AFF1: variants seen among roughly 807,000 people sequenced by gnomAD.
AFF1 encodes AF4/FMR2 family member 1.
Under a neutral mutation model 121.7 loss-of-function variants are expected in AFF1, and 48 were observed. The ratio of observed to expected loss-of-function variants is 0.39; its 90% CI spans 0.31 to 0.50. AFF1 has a LOEUF of 0.50. AFF1 is among the 20% of genes least tolerant of loss of function. AFF1 has a pLI of 0.76. For missense variants in AFF1, 1,523 were observed against 1,511.7 expected, an observed-to-expected ratio of 1.01 and a Z score of -0.12; for synonymous variants, 613 against 563.0, an observed-to-expected ratio of 1.09 and a Z score of -1.26.
At chr4:87,121,177 G>C (rs778395652) in intron 12 of AFF1, among the ~76,000 whole-genome samples, 11 of 152,162 alleles carry the variant, frequency 7.2e-5, no homozygotes, top group Non-Finnish European at 1.2e-4. Context: ...CTGAAACCCA[G>C]ACCTTAAGCC....
At chr4:87,070,085 C>A (rs1578188786) in intron 4 of AFF1, among the ~76,000 whole-genome samples, 1 of 152,056 alleles carries the variant, frequency 6.6e-6, no homozygotes, top group Non-Finnish European at 1.5e-5. Context: ...CTCACTGCAA[C>A]CCCTGCCTCC....
intron 2 of AFF1, among the ~76,000 whole-genome samples, chr4:86,999,679 G>A (rs75939177): frequency 0.042 from 6,379 of 152,246 alleles, 432 homozygotes; most frequent in African/African-American, 0.15. Flanking sequence ...GACAAGTAAG[G>A]TTTGTTAGAA....
intron 2 of AFF1, among the ~76,000 whole-genome samples, chr4:87,023,626 T>C (rs1040024993): frequency 6.6e-6 from 1 of 152,212 alleles, no homozygotes; most frequent in African/African-American, 2.4e-5. Flanking sequence ...CTTCCAAAAA[T>C]GTGTTTGGGA....
chr4:87,019,968 T>A (rs890510341), intron 2 of AFF1, among the ~76,000 whole-genome samples: 1 of 150,906 alleles, frequency 6.6e-6, no homozygotes, highest in African/African-American at 2.4e-5. Flanking sequence ...AGTAGGAAAA[T>A]CTCCTCCTCC....
At chr4:86,936,069 C>T (rs1270462401) in intron 1 of AFF1, 1 of 152,142 alleles carries the variant, frequency 6.6e-6, no homozygotes, top group Non-Finnish European at 1.5e-5. Context: ...TTTCTCTTCC[C>T]GGAGCTTCTC....
Position 86,969,861 on chromosome 4 carries a change from A to C in AFF1, c.38+21290A>C, listed in dbSNP as rs1355761029. ...CACCACTGCACTCTGGCCTGGGCGG[A>C]AGAGCGAGACTCCGTCTCAAAAAAA... On this transcript the variant is annotated intron_variant, in intron 2 of 20. Transcript: ENST00000395146. 5.6e-5 allele frequency among the ~76,000 whole-genome samples: 7 copies of C among 124,282 alleles called. No homozygotes were observed. In the South Asian group the frequency reaches 1.6e-3, roughly 29 times the overall value. 81.5% of individuals were successfully genotyped at this position (124,282 alleles called of 152,430 possible).
intron 7 of AFF1, among the ~76,000 whole-genome samples, chr4:87,092,368 C>G (rs1724403606): frequency 6.6e-6 from 1 of 152,202 alleles, no homozygotes; most frequent in Non-Finnish European, 1.5e-5. Flanking sequence ...TGTGGTATTA[C>G]TGACACATAG....
intron 4 of AFF1, among the ~76,000 whole-genome samples, chr4:87,053,112 T>C (rs1731432712): frequency 6.6e-6 from 1 of 152,182 alleles, no homozygotes; most frequent in Non-Finnish European, 1.5e-5. Flanking sequence ...GATTTGTGTT[T>C]ATTTAGTAGG....
chr4:87,088,533 C>T (rs1334182865), intron 5 of AFF1, among the ~76,000 whole-genome samples: 1 of 152,188 alleles, frequency 6.6e-6, no homozygotes, highest in Non-Finnish European at 1.5e-5. Flanking sequence ...CGTTAGAATA[C>T]ATCATGTGTT....
chr4:87,015,468 G>C (rs1727200798), intron 2 of AFF1, among the ~76,000 whole-genome samples: 1 of 152,172 alleles, frequency 6.6e-6, no homozygotes, highest in Non-Finnish European at 1.5e-5. Context: ...CAGATTGTCT[G>C]CTTATCTTGT....
At chr4:87,054,636 CTG>C (rs374235847) in intron 4 of AFF1, among the ~76,000 whole-genome samples, 1 of 152,204 alleles carries the variant, frequency 6.6e-6, no homozygotes, top group African/African-American at 2.4e-5. Flanking sequence ...GTAAAGTTAT[CTG>C]TGTGCAGAAT....
chr4:86,941,971 G>A (rs1472616975), intron 1 of AFF1, among the ~76,000 whole-genome samples: 1 of 151,486 alleles, frequency 6.6e-6, no homozygotes, highest in Non-Finnish European at 1.5e-5. Context: ...ATAAATTGGA[G>A]TGAGCAATAT....
chr4:87,035,121 GCAA>G (rs1729429869), intron 2 of AFF1, among the ~76,000 whole-genome samples: 1 of 152,118 alleles, frequency 6.6e-6, no homozygotes, highest in Non-Finnish European at 1.5e-5. Context: ...CTTTTGAAAG[GCAA>G]CAGTTAGAGA....
intron 2 of AFF1, among the ~76,000 whole-genome samples, chr4:87,022,570 A>C (rs1470087053): frequency 1.2e-5 from 1 of 85,958 alleles, no homozygotes; most frequent in South Asian, 3.4e-4. Context: ...ATATATATAT[A>C]TATATATATA....
At chr4:86,991,434 G>C (rs1429464654) in intron 2 of AFF1, among the ~76,000 whole-genome samples, 3 of 130,968 alleles carry the variant, frequency 2.3e-5, no homozygotes, top group African/African-American at 8.1e-5. Context: ...GACAGAGTGA[G>C]ACTCCATCTC....
chr4:86,954,070 ACTCCT>A (rs1465895802), intron 2 of AFF1, among the ~76,000 whole-genome samples: 2 of 151,222 alleles, frequency 1.3e-5, no homozygotes, highest in African/African-American at 4.9e-5. Context: ...GCTGTCTAGA[ACTCCT>A]CTCCTTTCCC....
intron 12 of AFF1, among the ~76,000 whole-genome samples, chr4:87,120,621 G>A (rs1578295758): frequency 6.6e-6 from 1 of 152,184 alleles, no homozygotes; most frequent in Non-Finnish European, 1.5e-5. Context: ...GCACAAGGTC[G>A]GCGTACTGGC....
At chr4:87,053,306 A>G (rs1229761875) in intron 4 of AFF1, among the ~76,000 whole-genome samples, 1 of 152,110 alleles carries the variant, frequency 6.6e-6, no homozygotes, top group Non-Finnish European at 1.5e-5. Context: ...CTTGCATTTA[A>G]TTTCCAAGAC....
At chr4:87,055,248 A>AGTT (rs1719996536) in intron 4 of AFF1, among the ~76,000 whole-genome samples, 1 of 152,258 alleles carries the variant, frequency 6.6e-6, no homozygotes, top group Non-Finnish European at 1.5e-5. Context: ...TTTTTAAGTA[A>AGTT]TATAGACACA....
Sources: allele counts gnomAD v4.1 joint callset (sites outside exome capture counted in the v4.1 genomes callset), GRCh38; gene constraint gnomAD v4.1.1; transcripts MANE v1.5; gene names NCBI Gene and HGNC (gene_info 2026-07-23, HGNC 2026-07-21).